AUTS2: variants seen among roughly 807,000 people sequenced by gnomAD.
AUTS2 encodes autism susceptibility gene 2 protein.
In AUTS2, 17 loss-of-function variants were observed where a neutral mutation model predicts 112.4. The ratio of observed to expected loss-of-function variants is 0.15; its 90% CI spans 0.10 to 0.23. The LOEUF (loss-of-function observed/expected upper bound fraction) is 0.23. Among genes scored for constraint, AUTS2 ranks in the 10% least tolerant of loss-of-function variants. The pLI, the probability that AUTS2 is intolerant of heterozygous loss-of-function variation, is 1.00. For synonymous variants in AUTS2, 751 were observed against 702.7 expected (o/e 1.07, Z -1.09); for missense variants, 1,510 against 1,701.6 (o/e 0.89, Z 1.98).
Position 69,762,293 on chromosome 7 carries a change from C to CTT in AUTS2, c.310-136963_310-136962dup, listed in dbSNP as rs534032498. Among the ~76,000 whole-genome samples the CTT allele has an allele frequency of 2.3e-3, 140 of 61,600 alleles. 16 individuals are homozygous for CTT. Among genetic ancestry groups the CTT allele is most frequent in the African/African-American group, 5.5e-3 (85 of 15,412 alleles). 40.4% of individuals were successfully genotyped at this position (61,600 alleles called of 152,430 possible). A position where few individuals can be genotyped will look rare whatever the true frequency, so the allele number is the denominator to read the frequency against. ...TTCCCAAACATTTTAGCCAAGTTGT[C>CTT]TTTTTTTTTTTTTTTTTTTTTTTTT... is the stretch of plus-strand genomic sequence containing the variant. On this transcript the variant is annotated intron_variant, in intron 1 of 18. Transcript: ENST00000342771.
At chr7:70,531,577 A>G (rs1800094521) in intron 5 of AUTS2, among the ~76,000 whole-genome samples, 1 of 152,124 alleles carries the variant, frequency 6.6e-6, no homozygotes, top group Non-Finnish European at 1.5e-5. Flanking sequence ...AGACGGAGCA[A>G]AAGAAAGGGC....
chr7:70,039,975 A>G (rs964853834), intron 2 of AUTS2, among the ~76,000 whole-genome samples: 20 of 152,148 alleles, frequency 1.3e-4, no homozygotes, highest in Non-Finnish European at 1.0e-4. Context: ...GGCAGTGGGG[A>G]GCATGAGGCT....
chr7:70,480,208 G>T (rs1797735859), intron 5 of AUTS2, among the ~76,000 whole-genome samples: 1 of 152,230 alleles, frequency 6.6e-6, no homozygotes, highest in Non-Finnish European at 1.5e-5. Flanking sequence ...TCCAGTGTAT[G>T]TGTACGTGTG....
At chr7:70,331,464 G>T (rs1395599170) in intron 4 of AUTS2, among the ~76,000 whole-genome samples, 1 of 150,106 alleles carries the variant, frequency 6.7e-6, no homozygotes, top group Non-Finnish European at 1.5e-5. Flanking sequence ...CTGGCTAGTG[G>T]TCTATCTATT....
At chr7:69,985,686 A>G (rs979098604) in intron 2 of AUTS2, among the ~76,000 whole-genome samples, 1 of 151,576 alleles carries the variant, frequency 6.6e-6, no homozygotes, top group Non-Finnish European at 1.5e-5. Context: ...TCCATTCTGT[A>G]CTGTAGCTCT....
chr7:70,280,515 C>CT (rs1267423626), intron 4 of AUTS2, among the ~76,000 whole-genome samples: 26 of 144,922 alleles, frequency 1.8e-4, no homozygotes, highest in African/African-American at 6.4e-4. Context: ...TCAGGCTAGT[C>CT]TCGATCTTTT....
chr7:70,520,374 T>C (rs981479888), intron 5 of AUTS2, among the ~76,000 whole-genome samples: 1 of 152,202 alleles, frequency 6.6e-6, no homozygotes, highest in Non-Finnish European at 1.5e-5. Context: ...CAGCCACATG[T>C]TCCAGCCTCA....
At chr7:70,729,479 A>G (rs890728424) in intron 6 of AUTS2, among the ~76,000 whole-genome samples, 1 of 152,190 alleles carries the variant, frequency 6.6e-6, no homozygotes, top group African/African-American at 2.4e-5. Context: ...GTTCCATTAG[A>G]GAACTTCACA....
At chr7:70,755,244 A>T (rs1186726880) in intron 6 of AUTS2, among the ~76,000 whole-genome samples, 1 of 151,236 alleles carries the variant, frequency 6.6e-6, no homozygotes, top group Non-Finnish European at 1.5e-5. Flanking sequence ...AGCGTGGGCG[A>T]CAGAGCAAGA....
chr7:70,012,512 C>G (rs1347621835), intron 2 of AUTS2, among the ~76,000 whole-genome samples: 1 of 152,200 alleles, frequency 6.6e-6, no homozygotes, highest in Non-Finnish European at 1.5e-5. Flanking sequence ...TATTCTCTCA[C>G]TTGCTTTACT....
chr7:69,779,378 C>T (rs911407221), intron 1 of AUTS2, among the ~76,000 whole-genome samples: 9 of 152,116 alleles, frequency 5.9e-5, no homozygotes, highest in Non-Finnish European at 1.5e-5. Flanking sequence ...GAGCTTGTTT[C>T]CTGATCTTTA....
At chr7:70,007,770 G>GC (rs1336220518) in intron 2 of AUTS2, among the ~76,000 whole-genome samples, 4 of 152,178 alleles carry the variant, frequency 2.6e-5, no homozygotes, top group African/African-American at 9.7e-5. Flanking sequence ...TTTGTCATTT[G>GC]CTCATCTATG....
At chr7:70,641,175 T>C (rs1342894383) in intron 5 of AUTS2, among the ~76,000 whole-genome samples, 1 of 152,216 alleles carries the variant, frequency 6.6e-6, no homozygotes, top group East Asian at 1.9e-4. Context: ...TCTTTATCTT[T>C]GTAAATTGAA....
At chr7:69,876,867 T>G (rs1295972296) in intron 1 of AUTS2, among the ~76,000 whole-genome samples, 2 of 152,048 alleles carry the variant, frequency 1.3e-5, no homozygotes, top group Non-Finnish European at 2.9e-5. Context: ...GCTTTTCTGT[T>G]TAAATACAGT....
At chr7:69,856,933 C>T (rs1584347677) in intron 1 of AUTS2, among the ~76,000 whole-genome samples, 1 of 152,178 alleles carries the variant, frequency 6.6e-6, no homozygotes, top group Non-Finnish European at 1.5e-5. Flanking sequence ...GAAATGGCAA[C>T]ATTTTGTATT....
intron 2 of AUTS2, among the ~76,000 whole-genome samples, chr7:70,110,587 T>A (rs914933251): frequency 3.3e-5 from 5 of 152,162 alleles, no homozygotes; most frequent in Non-Finnish European, 7.3e-5. Context: ...TGAAGTCCAC[T>A]GAACCCCTTT....
intron 5 of AUTS2, among the ~76,000 whole-genome samples, chr7:70,491,197 T>C (rs554261157): frequency 4.0e-5 from 6 of 151,796 alleles, no homozygotes; most frequent in Non-Finnish European, 8.8e-5. Flanking sequence ...CAACTGGCCT[T>C]CCTTATTCTC....
chr7:70,027,347 C>T (rs1410668777), intron 2 of AUTS2, among the ~76,000 whole-genome samples: 1 of 151,994 alleles, frequency 6.6e-6, no homozygotes, highest in South Asian at 2.1e-4. Flanking sequence ...CTTTTATTGG[C>T]CCCTCTTTCT....
At chr7:70,684,549 C>T (rs550843912) in intron 5 of AUTS2, among the ~76,000 whole-genome samples, 20 of 146,582 alleles carry the variant, frequency 1.4e-4, no homozygotes, top group African/African-American at 3.1e-4. Context: ...TGTGGTGTGG[C>T]GTGGCGTGGC....
Sources: gnomAD v4.1 joint callset for allele counts (sites outside exome capture counted in the v4.1 genomes callset) on GRCh38, gnomAD v4.1.1 for gene constraint, MANE v1.5 for transcripts, NCBI Gene and HGNC (gene_info 2026-07-23, HGNC 2026-07-21) for gene names.